Variants in COL27A1 observed in about 807,000 individuals in gnomAD.
The protein encoded by COL27A1 is collagen type XXVII alpha 1 chain.
A neutral mutation model predicts 251.3 loss-of-function variants in COL27A1; 106 were observed. That is an observed-to-expected ratio of 0.42 (90% CI 0.36 to 0.50). COL27A1 has a LOEUF of 0.50. Among genes scored for constraint, COL27A1 ranks in the 20% least tolerant of loss-of-function variants. COL27A1 has a pLI of 0.00. For synonymous variants in COL27A1, 1,000 were observed against 986.3 expected (o/e 1.01, Z -0.26); for missense variants, 2,325 against 2,522.8 (o/e 0.92, Z 1.68).
At chr9:114,301,164 C>CT in intron 52 of COL27A1, 39 bp downstream of exon 52, 1 of 1,612,528 alleles carries the variant, frequency 6.2e-7, no homozygotes, top group Non-Finnish European at 8.5e-7. Context: ...CCGGGGTCCC[C>CT]TTGCCTTCCT....
chr9:114,242,368 C>G (rs1464862065), intron 22 of COL27A1, 137 bp downstream of exon 22: 7 of 649,148 alleles, frequency 1.1e-5, no homozygotes, highest in Non-Finnish European at 1.8e-5. Flanking sequence ...AGAACTAGGA[C>G]AGACCCCAAA....
intron 57 of COL27A1, among the ~76,000 whole-genome samples, chr9:114,305,018 C>G (rs1469949459): frequency 6.6e-6 from 1 of 152,204 alleles, no homozygotes; most frequent in African/African-American, 2.4e-5. Flanking sequence ...AGTGCTCATC[C>G]CCACGTTTCT....
Position 114,168,561 on chromosome 9 carries a change from A to G in COL27A1, c.1006A>G (p.Met336Val). The change falls in exon 3 of 61, where the codon ATG becomes GTG. Residue 336 changes from methionine to valine, a missense_variant. Around this residue, in one of 4 missense-constraint regions of COL27A1, gnomAD observed 1,183 missense variants for 1,144.1 expected, o/e 1.03. Transcript: ENST00000356083. ...KLSASNALDP[M>V]LPASVGGSTR... ...GTCAGCCAGTAACGCACTTGATCCCATGCTCCCAGCCTCTGTTGGCGGCTC... is the reference window on the plus strand; with the variant it reads ...GTCAGCCAGTAACGCACTTGATCCCGTGCTCCCAGCCTCTGTTGGCGGCTC... The G allele has an allele frequency of 1.2e-6, 2 of 1,613,760 alleles. No individual in the cohort carries two copies. The highest frequency in any genetic ancestry group is 1.7e-6 in the Non-Finnish European group (2 of 1,179,854).
intron 51 of COL27A1, 77 bp from the exon 52 acceptor site, chr9:114,300,995 C>G: frequency 7.1e-7 from 1 of 1,414,388 alleles, no homozygotes; most frequent in South Asian, 1.3e-5. Context: ...GACGCTCGGG[C>G]TGCCCTCCAC....
chr9:114,286,488 A>G (rs1404067154), intron 41 of COL27A1, among the ~76,000 whole-genome samples: 2 of 152,116 alleles, frequency 1.3e-5, no homozygotes, highest in Admixed American at 1.3e-4. Context: ...AGCCATATGC[A>G]ATTTAACTTG....
intron 36 of COL27A1, chr9:114,273,699 T>C (rs1564555925): frequency 6.6e-6 from 1 of 152,354 alleles, no homozygotes; most frequent in Non-Finnish European, 1.5e-5. Flanking sequence ...AGACACACTA[T>C]GCTTTTCCAA....
chr9:114,168,319 G>A lies in COL27A1; in HGVS notation c.764G>A (p.Gly255Asp). 1 of 1,613,210 alleles carries A rather than the reference G, an allele frequency of 6.2e-7. No individual in the cohort carries two copies. Among genetic ancestry groups the A allele is most frequent in the Non-Finnish European group, 8.5e-7 (1 of 1,180,000 alleles). ...GGACCTCTCTTCTCCCAAGACTCTG[G>A]CAGACCTTTTACCTTCCAGTCCGAC... is the stretch of plus-strand genomic sequence containing the variant. ...PLGPLFSQDS[G>D]RPFTFQSDLA... Residue 255 changes from glycine to aspartate, a missense_variant, in exon 3 of 61, where the codon GGC becomes GAC. By Grantham distance (94) the Gly-to-Asp change is moderately conservative. This residue lies in a region of COL27A1 where 1,183 missense variants were observed against 1,144.1 expected (regional missense o/e 1.03). Transcript: ENST00000356083.
At chr9:114,175,068 GAC>G in intron 3 of COL27A1, among the ~76,000 whole-genome samples, 1 of 10,508 alleles carries the variant, frequency 9.5e-5, no homozygotes, top group East Asian at 0.071. Context: ...CTTCCAGCTG[GAC>G]ACAACGGTGG....
chr9:114,245,974 C>A, intron 24 of COL27A1, 64 bp downstream of exon 24: 2 of 1,471,688 alleles, frequency 1.4e-6, no homozygotes, highest in Middle Eastern at 1.7e-4. Flanking sequence ...TGTGCCAAGC[C>A]CTTTGCCCAG....
At chr9:114,262,494 C>T (rs1834414050) in intron 28 of COL27A1, among the ~76,000 whole-genome samples, 1 of 152,218 alleles carries the variant, frequency 6.6e-6, no homozygotes, top group Non-Finnish European at 1.5e-5. Context: ...GTCCCTGCCT[C>T]TGGGGAGGCT....
chr9:114,224,035 C>T (rs1831294330), intron 14 of COL27A1, among the ~76,000 whole-genome samples: 4 of 152,124 alleles, frequency 2.6e-5, no homozygotes, highest in Admixed American at 2.6e-4. Context: ...GTGATGTCTG[C>T]CTTGGCTGGG....
At chr9:114,275,378 C>T (rs933929023) in intron 36 of COL27A1, among the ~76,000 whole-genome samples, 4 of 152,184 alleles carry the variant, frequency 2.6e-5, no homozygotes, top group Non-Finnish European at 5.9e-5. Flanking sequence ...GTCAGGACCC[C>T]GGCTTATCTC....
intron 14 of COL27A1, among the ~76,000 whole-genome samples, chr9:114,223,446 C>G (rs1831251829): frequency 6.6e-6 from 1 of 152,138 alleles, no homozygotes. Context: ...GCCATCTGTG[C>G]CTGCTCAGGT....
chr9:114,296,117 G>A (rs2131643790), intron 49 of COL27A1, among the ~76,000 whole-genome samples: 1 of 152,286 alleles, frequency 6.6e-6, no homozygotes, highest in Admixed American at 6.5e-5. Context: ...CTAGAACATA[G>A]AAGGACATCT....
At chr9:114,307,612 A>C in intron 58 of COL27A1, 57 bp from the exon 59 acceptor site, 2 of 1,251,466 alleles carry the variant, frequency 1.6e-6, no homozygotes, top group Non-Finnish European at 2.4e-6. Context: ...CTACAGAACC[A>C]AGGAATGGGC....
chr9:114,269,456 CA>C (rs942531940), intron 35 of COL27A1, among the ~76,000 whole-genome samples, 162 bp downstream of exon 35: 5 of 151,790 alleles, frequency 3.3e-5, no homozygotes, highest in African/African-American at 1.2e-4. Context: ...GGTAGGCCAG[CA>C]TTTCCACAGT....
Position 114,168,928 on chromosome 9 carries a change from C to T in COL27A1, c.1373C>T (p.Ala458Val), listed in dbSNP as rs1329138503. Reference sequence around the variant, plus strand: ...TCTAAAAAACCCATTCCCACACTAGCTCGGACTGAGGCCAAGATAACCAGC... The same window carrying T: ...TCTAAAAAACCCATTCCCACACTAGTTCGGACTGAGGCCAAGATAACCAGC... Reference protein sequence around the residue: ...SSSKKPIPTLARTEAKITSHA... With the variant: ...SSSKKPIPTLVRTEAKITSHA... The change falls in exon 3 of 61, where the codon GCT (alanine) becomes GTT (valine). Residue 458 changes from alanine to valine, a missense_variant. Around this residue, in one of 4 missense-constraint regions of COL27A1, gnomAD observed 1,183 missense variants for 1,144.1 expected, o/e 1.03. Transcript: ENST00000356083. 2 of 1,613,968 alleles carry T rather than the reference C, an allele frequency of 1.2e-6. No homozygotes were observed. The highest frequency in any genetic ancestry group is 1.3e-5 in the African/African-American group (1 of 74,888).
chr9:114,169,455 G>T lies in COL27A1; in HGVS notation c.1900G>T (p.Gly634Cys). 6.5e-7 allele frequency: 1 copy of T among 1,535,196 alleles called. No individual in the cohort carries two copies. The change falls in exon 3 of 61, where the codon GGC becomes TGC. Residue 634 changes from glycine to cysteine, a missense_variant. Around this residue, in one of 4 missense-constraint regions of COL27A1, gnomAD observed 1,183 missense variants for 1,144.1 expected, o/e 1.03. Transcript: ENST00000356083. ...GCCTCCGGGACCCAAGGGAGACTGT[G>T]GCTTGCCGGTAAGACTGAGTGGGGT... ...MGPPGPKGDC[G>C]LPGPPGLPGL...
intron 39 of COL27A1, among the ~76,000 whole-genome samples, chr9:114,283,134 CAGGCTGG>C (rs1323128490): frequency 1.3e-5 from 2 of 152,310 alleles, no homozygotes; most frequent in East Asian, 3.9e-4. Flanking sequence ...GTTAAGCAAC[CAGGCTGG>C]TTTGTGGTAT....
Sources: allele counts gnomAD v4.1 joint callset (sites outside exome capture counted in the v4.1 genomes callset), GRCh38; gene constraint gnomAD v4.1.1; regional missense constraint gnomAD v4.1.1; transcripts MANE v1.5; gene names NCBI Gene and HGNC (gene_info 2026-07-23, HGNC 2026-07-21).